SEPTIN14: variants seen among roughly 807,000 people sequenced by gnomAD.
SEPTIN14 encodes the protein septin 14, also known as septin-14.
SEPTIN14 carries 40 observed loss-of-function variants against 53.6 expected under a neutral mutation model. That is an observed-to-expected ratio of 0.75 (90% CI 0.58 to 0.97). The LOEUF is 0.97. Among genes scored for constraint, SEPTIN14 ranks in the 50% least tolerant of loss-of-function variants. The pLI is 0.00. For synonymous variants in SEPTIN14, 138 were observed against 166.8 expected, an observed-to-expected ratio of 0.83 and a Z score of 1.33; for missense variants, 471 against 508.2, an observed-to-expected ratio of 0.93 and a Z score of 0.70.
chr7:55,847,343 G>A (rs1789432265), intron 2 of SEPTIN14, among the ~76,000 whole-genome samples: 1 of 152,076 alleles, frequency 6.6e-6, no homozygotes. Flanking sequence ...TTCTGCTGCA[G>A]CGTATTAATA....
At chr7:55,801,325 A>G (rs1487306474) in intron 9 of SEPTIN14, among the ~76,000 whole-genome samples, 1 of 152,224 alleles carries the variant, frequency 6.6e-6, no homozygotes, top group East Asian at 1.9e-4. Flanking sequence ...AGAAAACTCA[A>G]ACAAATAAAA....
intron 5 of SEPTIN14, among the ~76,000 whole-genome samples, chr7:55,836,092 T>C (rs1379533635): frequency 6.6e-6 from 1 of 152,080 alleles, no homozygotes; most frequent in East Asian, 1.9e-4. Context: ...TGTGTGCGCG[T>C]GTGTGTGTAT....
chr7:55,833,642 A>G (rs1044328282), intron 6 of SEPTIN14, among the ~76,000 whole-genome samples: 4 of 151,842 alleles, frequency 2.6e-5, no homozygotes, highest in Non-Finnish European at 5.9e-5. Context: ...CGGGAGATAG[A>G]TCTTACAGTG....
intron 9 of SEPTIN14, among the ~76,000 whole-genome samples, chr7:55,801,055 A>G (rs1413864323): frequency 3.3e-5 from 5 of 152,170 alleles, no homozygotes; most frequent in Non-Finnish European, 7.3e-5. Context: ...GGGATACAGC[A>G]AAAGCAGTTT....
chr7:55,811,795 A>C (rs1188482234), intron 7 of SEPTIN14, among the ~76,000 whole-genome samples: 1 of 142,174 alleles, frequency 7.0e-6, no homozygotes, highest in African/African-American at 2.6e-5. Flanking sequence ...CACCGCACCC[A>C]GCATTTTTTT....
At position 55,861,952 on chromosome 7, in the gene SEPTIN14, A is replaced by G. The variant is rs753028267; in HGVS notation, c.45T>C (p.Asp15=). ...GAAAGATATACTTAACTGTATCTCC[A>G]TCAGCAGGTATTTGTGTGGGCATAG... ...TMAMPTQIPA[D]GDTQKENNIR... Residue 15 remains aspartate (D), a synonymous_variant, in exon 2 of 10, where the codon GAT becomes GAC. Transcript: ENST00000388975. The G allele has an allele frequency of 1.5e-5, 23 of 1,576,114 alleles. No homozygotes were observed. The highest frequency in any genetic ancestry group is 1.9e-5 in the Non-Finnish European group (22 of 1,161,350).
chr7:55,855,493 C>G (rs1049278330), intron 2 of SEPTIN14, among the ~76,000 whole-genome samples: 5 of 152,228 alleles, frequency 3.3e-5, no homozygotes, highest in African/African-American at 1.2e-4. Flanking sequence ...CTAGAACATG[C>G]CTTGCCTGAC....
At position 55,860,393 on chromosome 7, in the gene SEPTIN14, G is replaced by C. The variant is rs77606751; in HGVS notation, c.54+1550C>G. On this transcript the variant is annotated intron_variant, in intron 2 of 9. Transcript: ENST00000388975. ...AGGCTGGGAAGGGTGTGTGAGTAGTGGGGGGATGAACAGAGGTTGGCTGGT... is the reference window on the plus strand; with the variant it reads ...AGGCTGGGAAGGGTGTGTGAGTAGTCGGGGGATGAACAGAGGTTGGCTGGT... 3.3e-3 allele frequency among the ~76,000 whole-genome samples: 496 copies of C among 152,178 alleles called. 3 individuals carry two copies. Among genetic ancestry groups the C allele is most frequent in the African/African-American group, 0.011 (470 of 41,538 alleles).
At chr7:55,832,349 A>G (rs76563471) in intron 6 of SEPTIN14, among the ~76,000 whole-genome samples, 2,207 of 152,288 alleles carry the variant, frequency 0.014, 63 homozygotes, top group African/African-American at 0.05. Context: ...AACAGCATAG[A>G]GATTTCTCGA....
chr7:55,804,134 T>TAAAAAAA (rs35467838), intron 9 of SEPTIN14, among the ~76,000 whole-genome samples: 2 of 47,056 alleles, frequency 4.3e-5, no homozygotes, highest in African/African-American at 8.0e-5. Context: ...AGACTCTGTC[T>TAAAAAAA]AAAAAAAAAA....
In SEPTIN14 at chr7:55,844,657, A is replaced by G. The variant is rs759318914; in HGVS notation, c.237T>C (p.Asp79=). ...TTGAGTAAAAATGTGAGGATTTGTT[A>G]TCTTTCAAGTTAGTATTAAACAATG... ...IDTLFNTNLK[D]NKSSHFYSNV... Residue 79 remains aspartate (D), a synonymous_variant, in exon 4 of 10, where the codon GAT becomes GAC. Transcript: ENST00000388975. 3.7e-6 allele frequency: 6 copies of G among 1,610,898 alleles called. No individual in the cohort carries two copies. Among genetic ancestry groups the G allele is most frequent in the Non-Finnish European group, 5.1e-6 (6 of 1,177,672 alleles).
rs187024055 is a variant in SEPTIN14, at chr7:55,851,736, C to T, written c.55-5099G>A. On this transcript the variant is annotated intron_variant, in intron 2 of 9. Coordinates refer to ENST00000388975, the MANE Select transcript of SEPTIN14 (RefSeq NM_207366.3). ...AGAAATAGAAAAAATAGGCCGGGCGCGGTGGCTCACACCTGTAATCCCAGC... is the reference window on the plus strand; with the variant it reads ...AGAAATAGAAAAAATAGGCCGGGCGTGGTGGCTCACACCTGTAATCCCAGC... Among the ~76,000 whole-genome samples the T allele has an allele frequency of 1.7e-3, 266 of 152,216 alleles. 2 individuals carry two copies. The highest frequency in any genetic ancestry group is 5.6e-3 in the African/African-American group (234 of 41,536).
chr7:55,819,069 G>A (rs771862594), intron 7 of SEPTIN14, 58 bp downstream of exon 7: 3 of 928,592 alleles, frequency 3.2e-6, no homozygotes, highest in Non-Finnish European at 5.2e-6. Context: ...TTGAGACTAT[G>A]AGTGATACAC....
At chr7:55,833,184 G>A (rs140964319) in intron 6 of SEPTIN14, among the ~76,000 whole-genome samples, 8,962 of 151,818 alleles carry the variant, frequency 0.059, 488 homozygotes, top group East Asian at 0.24. Context: ...ATGTGGTGGC[G>A]CACGCCTGTA....
At chr7:55,848,838 A>T (rs940032728) in intron 2 of SEPTIN14, among the ~76,000 whole-genome samples, 1 of 149,160 alleles carries the variant, frequency 6.7e-6, no homozygotes, top group Non-Finnish European at 1.5e-5. Context: ...CGATCTCCTG[A>T]CCTCGTGATC....
At chr7:55,821,120 A>G (rs1584258410) in intron 6 of SEPTIN14, among the ~76,000 whole-genome samples, 1 of 152,276 alleles carries the variant, frequency 6.6e-6, no homozygotes, top group Middle Eastern at 3.4e-3. Context: ...TTTTGAGGCT[A>G]AGTCCTTGGC....
intron 2 of SEPTIN14, among the ~76,000 whole-genome samples, chr7:55,854,104 G>C (rs867690282): frequency 6.6e-6 from 1 of 151,304 alleles, no homozygotes; most frequent in Admixed American, 6.6e-5. Flanking sequence ...CTGGGTAACC[G>C]AGTAAAACCC....
chr7:55,838,070 T>G (rs2116039173), intron 5 of SEPTIN14, among the ~76,000 whole-genome samples: 1 of 152,306 alleles, frequency 6.6e-6, no homozygotes, highest in Middle Eastern at 3.4e-3. Context: ...GGACTGATTT[T>G]CTGTACAATA....
At chr7:55,798,516 G>C in intron 9 of SEPTIN14, 1 of 315,754 alleles carries the variant, frequency 3.2e-6, no homozygotes, top group Admixed American at 3.8e-5. Context: ...CCACCCAAAT[G>C]ATGTCAGGCC....
Sources: allele counts gnomAD v4.1 joint callset (sites outside exome capture counted in the v4.1 genomes callset), GRCh38; gene constraint gnomAD v4.1.1; transcripts MANE v1.5; gene names NCBI Gene and HGNC (gene_info 2026-07-23, HGNC 2026-07-21).